The following LRRC4C variants were observed in gnomAD, a reference collection of about 807,000 sequenced individuals.
LRRC4C encodes the protein leucine-rich repeat-containing protein 4C.
Under a neutral mutation model 33.6 loss-of-function variants are expected in LRRC4C, and 5 were observed. The observed-to-expected ratio is 0.15, with a 90% CI of 0.08 to 0.31. The LOEUF (loss-of-function observed/expected upper bound fraction) is 0.31, where lower values mean the gene tolerates loss of function less well. LRRC4C is among the 10% of genes least tolerant of loss of function. LRRC4C has a pLI of 1.00. For synonymous variants in LRRC4C, 329 were observed against 302.0 expected, an observed-to-expected ratio of 1.09 and a Z score of -0.93; for missense variants, 560 against 796.7, an observed-to-expected ratio of 0.70 and a Z score of 3.58.
intron 1 of LRRC4C, among the ~76,000 whole-genome samples, chr11:41,368,964 T>C (rs1952644815): frequency 6.6e-6 from 1 of 152,214 alleles, no homozygotes; most frequent in South Asian, 2.1e-4. Flanking sequence ...GGATATCCTC[T>C]TGTTCTCTAC....
intron 5 of LRRC4C, among the ~76,000 whole-genome samples, chr11:40,179,166 G>T (rs188358235): frequency 2.3e-4 from 35 of 151,838 alleles, no homozygotes. Flanking sequence ...CACCATGATT[G>T]GATTTTTTTT....
intron 3 of LRRC4C, among the ~76,000 whole-genome samples, chr11:40,529,514 T>C (rs1956190004): frequency 6.6e-6 from 1 of 152,012 alleles, no homozygotes; most frequent in Non-Finnish European, 1.5e-5. Context: ...AGAGAAATAG[T>C]TGTTTTAAAA....
intron 1 of LRRC4C, among the ~76,000 whole-genome samples, chr11:41,169,791 A>C (rs1565446590): frequency 1.3e-5 from 2 of 152,202 alleles, no homozygotes; most frequent in Non-Finnish European, 2.9e-5. Flanking sequence ...AAAAGCAAGT[A>C]AATGCTGCAT....
rs80266581 is a variant in LRRC4C, at chr11:41,114,479, C to T, written c.-495-180756G>A. Among the ~76,000 whole-genome samples the T allele has an allele frequency of 6.5e-3, 986 of 152,004 alleles. 21 individuals carry two copies. The highest frequency in any genetic ancestry group is 0.037 in the East Asian group (193 of 5,162). The stretch of plus-strand genomic sequence containing the variant: ...AGACTTCAGTTGGTTCAAGTGTATA[C>T]CTGCTCAATCTCAAAAGACATTATC... On this transcript the variant is annotated intron_variant, in intron 1 of 6. Coordinates refer to ENST00000528697, the MANE Select transcript of LRRC4C (RefSeq NM_001258419.2).
chr11:40,862,531 C>T (rs779096308), intron 2 of LRRC4C, among the ~76,000 whole-genome samples: 1 of 152,098 alleles, frequency 6.6e-6, no homozygotes, highest in Non-Finnish European at 1.5e-5. Context: ...AAATACTAAC[C>T]TTCATGTCAT....
At chr11:41,387,603 T>C (rs1953411555) in intron 1 of LRRC4C, among the ~76,000 whole-genome samples, 1 of 151,752 alleles carries the variant, frequency 6.6e-6, no homozygotes, top group South Asian at 2.1e-4. Flanking sequence ...TCTTATGGAA[T>C]ATAGGTGCTT....
At chr11:41,399,261 T>C (rs1953937149) in intron 1 of LRRC4C, among the ~76,000 whole-genome samples, 1 of 151,936 alleles carries the variant, frequency 6.6e-6, no homozygotes, top group African/African-American at 2.4e-5. Flanking sequence ...TGTCCCCTGT[T>C]CCCATAAAAT....
At chr11:41,365,016 A>G (rs564958715) in intron 1 of LRRC4C, among the ~76,000 whole-genome samples, 6 of 152,270 alleles carry the variant, frequency 3.9e-5, no homozygotes, top group African/African-American at 1.4e-4. Flanking sequence ...TGACTAGTGC[A>G]GGGGTCCCCA....
intron 2 of LRRC4C, among the ~76,000 whole-genome samples, chr11:40,898,502 T>C (rs1956066469): frequency 6.6e-6 from 1 of 151,904 alleles, no homozygotes; most frequent in African/African-American, 2.4e-5. Flanking sequence ...AGGAATCTGA[T>C]CTCAGATTGT....
chr11:40,231,678 G>A (rs1336114361), intron 5 of LRRC4C, among the ~76,000 whole-genome samples: 1 of 152,078 alleles, frequency 6.6e-6, no homozygotes. Context: ...CAGGTTTATA[G>A]ATGTTTAAAA....
intron 1 of LRRC4C, among the ~76,000 whole-genome samples, chr11:41,042,325 G>T (rs1217923716): frequency 6.6e-6 from 1 of 152,098 alleles, no homozygotes; most frequent in Non-Finnish European, 1.5e-5. Context: ...AGGTCTATTT[G>T]TCAGTTGATA....
intron 4 of LRRC4C, among the ~76,000 whole-genome samples, chr11:40,281,797 G>A (rs1590900613): frequency 6.6e-6 from 1 of 152,100 alleles, no homozygotes; most frequent in African/African-American, 2.4e-5. Context: ...ATGATAACAG[G>A]TTATTTTAAT....
chr11:40,237,289 C>T (rs1480009582), intron 5 of LRRC4C, among the ~76,000 whole-genome samples: 1 of 152,164 alleles, frequency 6.6e-6, no homozygotes, highest in Non-Finnish European at 1.5e-5. Context: ...ACCTAAATTG[C>T]TTATCTTGGC....
At chr11:40,487,359 A>C (rs1953916216) in intron 3 of LRRC4C, among the ~76,000 whole-genome samples, 1 of 152,106 alleles carries the variant, frequency 6.6e-6, no homozygotes, top group African/African-American at 2.4e-5. Context: ...TGGGCAATCA[A>C]GGTAGACCAA....
chr11:41,116,349 A>G (rs985633487), intron 1 of LRRC4C, among the ~76,000 whole-genome samples: 1 of 152,256 alleles, frequency 6.6e-6, no homozygotes, highest in South Asian at 2.1e-4. Flanking sequence ...TATATATAGC[A>G]TTTAACAAAG....
chr11:41,152,756 C>T (rs1944055339), intron 1 of LRRC4C, among the ~76,000 whole-genome samples: 1 of 152,048 alleles, frequency 6.6e-6, no homozygotes, highest in Non-Finnish European at 1.5e-5. Context: ...TAATACTGTA[C>T]AGAATTAGAG....
At chr11:41,022,579 GA>G (rs200125249) in intron 1 of LRRC4C, among the ~76,000 whole-genome samples, 3,343 of 150,998 alleles carry the variant, frequency 0.022, 131 homozygotes, top group African/African-American at 0.076. Context: ...GTACCAGGAA[GA>G]AAAAAAAATC....
At chr11:40,777,316 C>T (rs549661554) in intron 2 of LRRC4C, among the ~76,000 whole-genome samples, 127 of 152,120 alleles carry the variant, frequency 8.3e-4, no homozygotes, top group Non-Finnish European at 1.5e-3. Context: ...ATATTGTCTG[C>T]GGGGTGTGGA....
chr11:40,381,181 A>G (rs1948850823), intron 3 of LRRC4C, among the ~76,000 whole-genome samples: 1 of 151,852 alleles, frequency 6.6e-6, no homozygotes, highest in African/African-American at 2.4e-5. Flanking sequence ...TGGGAAAAGT[A>G]TTAACCATTT....
Sources: allele counts gnomAD v4.1 joint callset (sites outside exome capture counted in the v4.1 genomes callset), GRCh38; gene constraint gnomAD v4.1.1; transcripts MANE v1.5; gene names NCBI Gene and HGNC (gene_info 2026-07-23, HGNC 2026-07-21).